VWF: variants seen among roughly 807,000 people sequenced by gnomAD.
VWF encodes the protein von Willebrand factor, also known as Factor VIII related antigen.
In VWF, 176 loss-of-function variants were observed where a neutral mutation model predicts 308.6. That is an observed-to-expected ratio of 0.57 (90% CI 0.50 to 0.65). The LOEUF is 0.65. Ranked by LOEUF, VWF falls within the 30% of genes least tolerant of loss-of-function variation. VWF has a pLI of 0.00. For missense variants in VWF, 3,146 were observed against 3,648.2 expected (o/e 0.86, Z 3.55); for synonymous variants, 1,385 against 1,443.4 (o/e 0.96, Z 0.92).
At chr12:5,964,531 C>T (rs1943376395) in intron 47 of VWF, among the ~76,000 whole-genome samples, 1 of 152,196 alleles carries the variant, frequency 6.6e-6, no homozygotes, top group Admixed American at 6.5e-5. Flanking sequence ...TTAGTGATCA[C>T]CATTCAGAGA....
At chr12:5,997,681 T>C (rs1290417321) in intron 34 of VWF, among the ~76,000 whole-genome samples, 1 of 152,244 alleles carries the variant, frequency 6.6e-6, no homozygotes, top group Non-Finnish European at 1.5e-5. Context: ...TCCAAATCTT[T>C]ATGAATAAGA....
intron 6 of VWF, among the ~76,000 whole-genome samples, chr12:6,092,620 T>A (rs147129737): frequency 0.59 from 52,385 of 88,876 alleles, 13,198 homozygotes; most frequent in South Asian, 0.69. Context: ...TGAGTGAGAG[T>A]GTGTGTGTGT....
rs533284114 is a variant in VWF, at chr12:5,952,378, A to G, written c.8115+13T>C. The G allele has an allele frequency of 8.7e-6, 14 of 1,613,822 alleles. No homozygotes were observed. The African/African-American group carries it at 1.9e-4, about 22-fold the overall frequency. On this transcript the variant is annotated intron_variant, in intron 49 of 51. Coordinates refer to ENST00000261405, the MANE Select transcript of VWF (RefSeq NM_000552.5). ...ATTGAGACAGTAAAGAGGAAAGCAG[A>G]ATGAGTACTCACTCCCTCAGCCAGA...
At chr12:6,101,785 AAAT>A (rs1277537401) in intron 5 of VWF, among the ~76,000 whole-genome samples, 1 of 152,110 alleles carries the variant, frequency 6.6e-6, no homozygotes, top group Non-Finnish European at 1.5e-5. Flanking sequence ...AAAAAGAAAA[AAAT>A]AATAATAATA....
chr12:5,993,064 T>C (rs1417775700), intron 37 of VWF, among the ~76,000 whole-genome samples: 1 of 152,186 alleles, frequency 6.6e-6, no homozygotes, highest in Non-Finnish European at 1.5e-5. Context: ...CCAGCTGAGC[T>C]GGGACTAGGA....
At chr12:6,027,045 T>A (rs968688354) in intron 22 of VWF, among the ~76,000 whole-genome samples, 1 of 152,208 alleles carries the variant, frequency 6.6e-6, no homozygotes, top group South Asian at 2.1e-4. Context: ...CTTGCTTCAA[T>A]AAGCTGCATT....
At chr12:5,987,605 C>T (rs1003828971) in intron 38 of VWF, among the ~76,000 whole-genome samples, 1 of 152,202 alleles carries the variant, frequency 6.6e-6, no homozygotes, top group Non-Finnish European at 1.5e-5. Flanking sequence ...TCGTGAAAAT[C>T]TGAATGAGAA....
intron 15 of VWF, among the ~76,000 whole-genome samples, chr12:6,055,751 T>C (rs1944570016): frequency 1.1e-5 from 1 of 91,788 alleles, no homozygotes; most frequent in Non-Finnish European, 2.3e-5. Context: ...TTTATATATA[T>C]ATATATGTAT....
At position 6,072,312 on chromosome 12, in the gene VWF, G is replaced by T. The variant is rs759752032; in HGVS notation, c.1109+19C>A. ...CCCCCAGGCAGGTCTCCCAGAGCAC[G>T]CTGCGCAGCCCCCATTACCAGGTGT... is the stretch of plus-strand genomic sequence containing the variant. On this transcript the variant is annotated intron_variant, in intron 9 of 51. Transcript: ENST00000261405. 2 of 1,610,122 alleles carry T rather than the reference G, an allele frequency of 1.2e-6. No homozygotes were observed. The highest frequency in any genetic ancestry group is 4.5e-5 in the East Asian group (2 of 44,846).
intron 17 of VWF, 75 bp from the exon 18 acceptor site, chr12:6,044,526 C>A: frequency 6.5e-7 from 1 of 1,540,648 alleles, no homozygotes; most frequent in East Asian, 2.4e-5. Flanking sequence ...TCCTTTGGTC[C>A]CCTAGAGTCT....
intron 6 of VWF, 61 bp downstream of exon 6, chr12:6,095,399 C>T: frequency 6.2e-7 from 1 of 1,612,850 alleles, no homozygotes; most frequent in Non-Finnish European, 8.5e-7. Context: ...CTGAGTCCTT[C>T]TGTCTTTTAG....
At chr12:6,072,972 T>G (rs1427179820) in intron 8 of VWF, among the ~76,000 whole-genome samples, 2 of 152,004 alleles carry the variant, frequency 1.3e-5, no homozygotes, top group East Asian at 1.9e-4. Context: ...GTTCAAGTGA[T>G]TCTCCTGCCT....
intron 2 of VWF, chr12:6,122,722 G>A (rs773792702): frequency 3.8e-6 from 2 of 524,452 alleles, no homozygotes; most frequent in Non-Finnish European, 7.6e-6. Context: ...CAGGAAGACT[G>A]ACCTCTGATT....
At chr12:5,966,276 T>TACACAC (rs10657127) in intron 47 of VWF, among the ~76,000 whole-genome samples, 4 of 151,026 alleles carry the variant, frequency 2.6e-5, no homozygotes, top group African/African-American at 7.3e-5. Context: ...TGTTACACAA[T>TACACAC]ACACACACAC....
At chr12:5,983,319 GT>G in intron 40 of VWF, 65 bp from the exon 41 acceptor site, 1 of 1,492,962 alleles carries the variant, frequency 6.7e-7, no homozygotes, top group Non-Finnish European at 9.2e-7. Flanking sequence ...TTACCTGTGA[GT>G]GGGATGCTAC....
intron 6 of VWF, among the ~76,000 whole-genome samples, chr12:6,079,025 C>A (rs1472133249): frequency 6.6e-6 from 1 of 152,224 alleles, no homozygotes; most frequent in African/African-American, 2.4e-5. Flanking sequence ...TTGGCCTCCA[C>A]TGTACAAACT....
chr12:6,076,586 C>T (rs1318962423), intron 6 of VWF, among the ~76,000 whole-genome samples: 3 of 152,130 alleles, frequency 2.0e-5, no homozygotes, highest in Admixed American at 1.3e-4. Context: ...GACAAAGCTG[C>T]AAGTTCATGA....
chr12:6,103,470 A>ATG (rs141379577), intron 5 of VWF, among the ~76,000 whole-genome samples: 81,085 of 122,692 alleles, frequency 0.66, 28,002 homozygotes, highest in East Asian at 0.88. Flanking sequence ...ATATACACAT[A>ATG]TGTGTGTATA....
chr12:6,100,868 T>G (rs1218831483), intron 5 of VWF, among the ~76,000 whole-genome samples: 1 of 152,080 alleles, frequency 6.6e-6, no homozygotes, highest in Non-Finnish European at 1.5e-5. Flanking sequence ...ATTGTGCACA[T>G]GTACCCTAAA....
Sources: gnomAD v4.1 joint callset for allele counts (sites outside exome capture counted in the v4.1 genomes callset) on GRCh38, gnomAD v4.1.1 for gene constraint, MANE v1.5 for transcripts, NCBI Gene and HGNC (gene_info 2026-07-23, HGNC 2026-07-21) for gene names.